Variants in NALF1 observed in about 807,000 individuals in gnomAD.
NALF1 encodes family with sequence similarity 155 member A.
A neutral mutation model predicts 48.4 loss-of-function variants in NALF1; 3 were observed. The observed-to-expected ratio is 0.06, with a 90% CI of 0.03 to 0.16. The LOEUF (loss-of-function observed/expected upper bound fraction) is 0.16. NALF1 is among the 10% of genes least tolerant of loss of function. The pLI is 1.00. For missense variants in NALF1, 526 were observed against 571.5 expected, an observed-to-expected ratio of 0.92 and a Z score of 0.81; for synonymous variants, 262 against 245.7, an observed-to-expected ratio of 1.07 and a Z score of -0.62.
intron 1 of NALF1, among the ~76,000 whole-genome samples, chr13:107,583,819 A>T (rs1257359052): frequency 6.6e-6 from 1 of 152,078 alleles, no homozygotes; most frequent in African/African-American, 2.4e-5. Flanking sequence ...CTAGCAAAAT[A>T]CCCTGTAACC....
At chr13:107,804,111 G>A (rs1019015645) in intron 1 of NALF1, among the ~76,000 whole-genome samples, 12 of 151,980 alleles carry the variant, frequency 7.9e-5, no homozygotes, top group Admixed American at 3.3e-4. Flanking sequence ...GAACATAAGC[G>A]TCCTTTCTAA....
At chr13:107,171,172 C>A (rs548561597) in intron 2 of NALF1, among the ~76,000 whole-genome samples, 2 of 152,304 alleles carry the variant, frequency 1.3e-5, no homozygotes, top group South Asian at 4.1e-4. Flanking sequence ...CTGACATTAG[C>A]TAGTTATGCT....
chr13:107,513,497 CT>C (rs370771343), intron 1 of NALF1, among the ~76,000 whole-genome samples: 173 of 146,026 alleles, frequency 1.2e-3, no homozygotes, highest in East Asian at 3.4e-3. Context: ...AGCATCCCAT[CT>C]TTTTTTTTTT....
At chr13:107,530,739 T>C (rs1876600703) in intron 1 of NALF1, among the ~76,000 whole-genome samples, 1 of 152,132 alleles carries the variant, frequency 6.6e-6, no homozygotes, top group South Asian at 2.1e-4. Context: ...ATCATATTGA[T>C]GTAAGCTGAA....
At chr13:107,179,557 G>T (rs1594057321) in intron 2 of NALF1, among the ~76,000 whole-genome samples, 2 of 151,818 alleles carry the variant, frequency 1.3e-5, no homozygotes, top group South Asian at 4.2e-4. Flanking sequence ...ACTTGAGGGG[G>T]TGGGTACCCC....
In NALF1 at chr13:107,537,886, C is replaced by G. The variant is rs566960391; in HGVS notation, c.916-327131G>C. 4.6e-5 allele frequency among the ~76,000 whole-genome samples: 7 copies of G among 152,168 alleles called. No homozygotes were observed. In the South Asian group the frequency reaches 1.5e-3, roughly 32 times the overall value. On this transcript the variant is annotated intron_variant, in intron 1 of 2. Coordinates refer to ENST00000375915, the MANE Select transcript of NALF1 (RefSeq NM_001080396.3). ...TACAAAAATTAGCTGGGCATGGTGGCACATACCTGTAATCCCAGCTACTCG... is the reference window on the plus strand; with the variant it reads ...TACAAAAATTAGCTGGGCATGGTGGGACATACCTGTAATCCCAGCTACTCG...
intron 1 of NALF1, among the ~76,000 whole-genome samples, chr13:107,473,906 C>T (rs1885139083): frequency 6.6e-6 from 1 of 152,160 alleles, no homozygotes; most frequent in African/African-American, 2.4e-5. Flanking sequence ...GTCCCTGCAC[C>T]TGCTTCCTGT....
chr13:107,699,836 A>G (rs1286499434), intron 1 of NALF1, among the ~76,000 whole-genome samples: 1 of 152,150 alleles, frequency 6.6e-6, no homozygotes, highest in Non-Finnish European at 1.5e-5. Flanking sequence ...TTCAGAATAC[A>G]AAATCAACAT....
intron 2 of NALF1, among the ~76,000 whole-genome samples, chr13:107,182,229 TGTGTGTGTGTGTGTGTGTGTGTCC>T (rs1333297998): frequency 1.9e-5 from 2 of 103,768 alleles, no homozygotes; most frequent in Non-Finnish European, 3.9e-5. Flanking sequence ...ATTTATGCTG[TGTGTGTGTGTGTGTGTGTGTGTCC>T]GTGTGTGTGT....
In NALF1 at chr13:107,866,216, C is replaced by T. The variant is rs762728677; in HGVS notation, c.381G>A (p.Ser127=). 6.3e-7 allele frequency: 1 copy of T among 1,596,530 alleles called. No homozygotes were observed. Among genetic ancestry groups the T allele is most frequent in the Non-Finnish European group, 8.5e-7 (1 of 1,172,318 alleles). Reference sequence around the variant, plus strand: ...CCGGGGAGGGGGGCAGGGTGGGGGACGAGGAGGCGGAGAGGAGTCTGTGTG... The same window carrying T: ...CCGGGGAGGGGGGCAGGGTGGGGGATGAGGAGGCGGAGAGGAGTCTGTGTG... ...AQAHRLLSAS[S]SPTLPPSPGD... is the part of the protein sequence containing the mutation. Residue 127 remains serine (S), a synonymous_variant, in exon 1 of 3, where the codon TCG becomes TCA. Coordinates refer to ENST00000375915, the MANE Select transcript of NALF1 (RefSeq NM_001080396.3). The surrounding 1 kb of genome is among the most constrained non-coding windows in gnomAD (Gnocchi z 4.4).
At chr13:107,468,259 C>T (rs1048787909) in intron 1 of NALF1, among the ~76,000 whole-genome samples, 1 of 152,168 alleles carries the variant, frequency 6.6e-6, no homozygotes, top group African/African-American at 2.4e-5. Flanking sequence ...TTAAAATTTA[C>T]TTGTCATTAC....
At chr13:107,174,995 T>G (rs988801894) in intron 2 of NALF1, among the ~76,000 whole-genome samples, 1 of 147,180 alleles carries the variant, frequency 6.8e-6, no homozygotes, top group African/African-American at 2.5e-5. Context: ...GCCATTCTCC[T>G]GCCTCAGCCT....
At chr13:107,265,054 T>C (rs1020373524) in intron 1 of NALF1, among the ~76,000 whole-genome samples, 1 of 152,240 alleles carries the variant, frequency 6.6e-6, no homozygotes, top group East Asian at 1.9e-4. Context: ...CAAACACACC[T>C]TTATGAAAGC....
At chr13:107,468,959 T>C (rs1008341546) in intron 1 of NALF1, among the ~76,000 whole-genome samples, 15 of 152,180 alleles carry the variant, frequency 9.9e-5, no homozygotes, top group African/African-American at 3.6e-4. Flanking sequence ...TGATTATAGT[T>C]GGTATGTCTT....
chr13:107,722,810 C>T (rs1361255431), intron 1 of NALF1, among the ~76,000 whole-genome samples: 2 of 152,176 alleles, frequency 1.3e-5, no homozygotes, highest in Non-Finnish European at 2.9e-5. Context: ...AAGCACTCAG[C>T]CCAGTCAGCT....
Position 107,236,671 on chromosome 13 carries a change from G to GTCTATCTATCTA in NALF1, c.916-25928_916-25917dup, listed in dbSNP as rs72391192. Among the ~76,000 whole-genome samples the GTCTATCTATCTA allele has an allele frequency of 3.8e-4, 53 of 140,626 alleles. 1 individual carries two copies. The highest frequency in any genetic ancestry group is 3.8e-4 in the Non-Finnish European group (25 of 65,304). 92.3% of individuals were successfully genotyped at this position (140,626 alleles called of 152,430 possible). ...GCACTATCTATCTATCCATCTGTCT[G>GTCTATCTATCTA]TCTATCTATCTATCTATCTATCTAT... On this transcript the variant is annotated intron_variant, in intron 1 of 2. Coordinates refer to ENST00000375915, the MANE Select transcript of NALF1 (RefSeq NM_001080396.3).
intron 1 of NALF1, among the ~76,000 whole-genome samples, chr13:107,308,287 C>A (rs538329072): frequency 6.7e-6 from 1 of 148,522 alleles, no homozygotes; most frequent in Non-Finnish European, 1.5e-5. Context: ...CTGCAAGCTC[C>A]GTCTCCCGGG....
At chr13:107,223,341 T>C (rs1880033027) in intron 1 of NALF1, among the ~76,000 whole-genome samples, 1 of 144,264 alleles carries the variant, frequency 6.9e-6, no homozygotes, top group Admixed American at 6.8e-5. Context: ...TAATAACTCA[T>C]TTTTTTTTGC....
At chr13:107,324,633 G>A (rs1350987065) in intron 1 of NALF1, among the ~76,000 whole-genome samples, 1 of 152,134 alleles carries the variant, frequency 6.6e-6, no homozygotes, top group Non-Finnish European at 1.5e-5. Flanking sequence ...TCTTCACCAT[G>A]CATTGACTCA....
Sources: allele counts gnomAD v4.1 joint callset (sites outside exome capture counted in the v4.1 genomes callset), GRCh38; gene constraint gnomAD v4.1.1; non-coding constraint Gnocchi (gnomAD v3.1); transcripts MANE v1.5; gene names NCBI Gene and HGNC (gene_info 2026-07-23, HGNC 2026-07-21).